CYP2F1: variants seen among roughly 807,000 people sequenced by gnomAD.
CYP2F1 encodes the protein cytochrome P450 family 2 subfamily F member 1.
In CYP2F1, 33 loss-of-function variants were observed where a neutral mutation model predicts 40.4. The ratio of observed to expected loss-of-function variants is 0.82; its 90% CI spans 0.62 to 1.09. The LOEUF is 1.09. CYP2F1 is among the 50% of genes least tolerant of loss of function. CYP2F1 has a pLI of 0.00. For missense variants in CYP2F1, 566 were observed against 655.7 expected, an observed-to-expected ratio of 0.86 and a Z score of 1.49; for synonymous variants, 235 against 277.2, an observed-to-expected ratio of 0.85 and a Z score of 1.51.
rs193160119 is a variant in CYP2F1, at chr19:41,122,418, G to T, written c.822+285G>T. 4.0e-4 allele frequency among the ~76,000 whole-genome samples: 61 copies of T among 152,204 alleles called. 1 individual carries two copies. The highest frequency in any genetic ancestry group is 1.3e-3 in the African/African-American group (53 of 41,532). On this transcript the variant is annotated intron_variant, in intron 6 of 9. Coordinates refer to ENST00000331105, the MANE Select transcript of CYP2F1 (RefSeq NM_000774.5). Reference sequence around the variant, plus strand: ...AGGCCGAGGCAGGAGGATCGCTTGAGTCCAGGAGTTCGAGACCAGCCTGGA... The same window carrying T: ...AGGCCGAGGCAGGAGGATCGCTTGATTCCAGGAGTTCGAGACCAGCCTGGA...
chr19:41,115,284 A>C (rs912270133), intron 1 of CYP2F1, among the ~76,000 whole-genome samples: 1 of 150,190 alleles, frequency 6.7e-6, no homozygotes, highest in Admixed American at 6.6e-5. Context: ...TTTTCTCTCC[A>C]TCCTTCCATG....
rs1168416292 is a variant in CYP2F1, at chr19:41,120,627, G to A, written c.484+131G>A. On this transcript the variant is annotated intron_variant, in intron 4 of 9. Transcript: ENST00000331105. ...CTCCCGAATAGCTGGTACTTCAGGT[G>A]TGCTCCACCACACCCAGCTTATTTT... 1.0e-5 allele frequency: 10 copies of A among 986,472 alleles called. No homozygotes were observed. In the African/African-American group the frequency reaches 1.6e-4, roughly 16 times the overall value. The allele number at this position is 986,472 out of a possible 1,614,324, so 61.1% of individuals were successfully genotyped here. A position where few individuals can be genotyped will look rare whatever the true frequency, so the allele number is the denominator to read the frequency against.
chr19:41,124,286 C>T (rs1599682381), intron 7 of CYP2F1, among the ~76,000 whole-genome samples: 1 of 79,124 alleles, frequency 1.3e-5, no homozygotes, highest in African/African-American at 4.9e-5. Context: ...TTTTTTGAGA[C>T]GGAATCTTGC....
chr19:41,116,031 C>A (rs1259346475), intron 1 of CYP2F1, 147 bp from the exon 2 acceptor site: 2 of 666,118 alleles, frequency 3.0e-6, no homozygotes, highest in Non-Finnish European at 5.0e-6. Flanking sequence ...CCTCCTTTCT[C>A]CCTCCCTTCC....
intron 3 of CYP2F1, 24 bp downstream of exon 3, chr19:41,116,641 C>G: frequency 6.2e-7 from 1 of 1,610,246 alleles, no homozygotes; most frequent in African/African-American, 1.3e-5. Flanking sequence ...TTGTCTCCTC[C>G]GCTCTCGGCC....
chr19:41,120,171 C>T (rs1243890544), intron 3 of CYP2F1, among the ~76,000 whole-genome samples, 176 bp from the exon 4 acceptor site: 2 of 151,942 alleles, frequency 1.3e-5, no homozygotes, highest in African/African-American at 2.4e-5. Flanking sequence ...AGCCCATGGT[C>T]CTATGGAAGC....
At chr19:41,119,938 C>T (rs956067954) in intron 3 of CYP2F1, among the ~76,000 whole-genome samples, 5 of 151,316 alleles carry the variant, frequency 3.3e-5, no homozygotes, top group East Asian at 1.9e-4. Flanking sequence ...GAGACTGTGT[C>T]GCAAAAAATA....
At chr19:41,119,723 C>CTCTCTCTCTCTCTCTATATATA (rs1478574507) in intron 3 of CYP2F1, among the ~76,000 whole-genome samples, 2 of 35,828 alleles carry the variant, frequency 5.6e-5, no homozygotes, top group Non-Finnish European at 1.0e-4. Context: ...CTCTCTCTCT[C>CTCTCTCTCTCTCTCTATATATA]TATATATATA....
chr19:41,127,834 A>T (rs2032603422), intron 9 of CYP2F1, 67 bp from the exon 10 acceptor site: 2 of 1,228,848 alleles, frequency 1.6e-6, no homozygotes, highest in East Asian at 4.9e-5. Flanking sequence ...TTCCTCTGGG[A>T]ATGTGGGGTT....
At chr19:41,126,064 C>T (rs1460756059) in intron 9 of CYP2F1, among the ~76,000 whole-genome samples, 4 of 151,624 alleles carry the variant, frequency 2.6e-5, no homozygotes, top group African/African-American at 4.8e-5. Context: ...ACCCAGGAGG[C>T]GGAGGTTGCA....
intron 1 of CYP2F1, among the ~76,000 whole-genome samples, chr19:41,115,443 C>T (rs920895050): frequency 6.6e-6 from 1 of 152,158 alleles, no homozygotes; most frequent in African/African-American, 2.4e-5. Context: ...CTCTCTGGCT[C>T]TCCCTATCTC....
rs1242360318 is a variant in CYP2F1 at position 41,121,637 on chromosome 19, G to A, written c.645+19G>A. The A allele has an allele frequency of 6.2e-7, 1 of 1,601,708 alleles. No homozygotes were observed. The highest frequency in any genetic ancestry group is 2.2e-5 in the East Asian group (1 of 44,616). ...GGGCGAGGTCAGCCAACTGAGTCCA[G>A]CAGGGGCAGGGTGTGGGGTCCGCAG... On this transcript the variant is annotated intron_variant, in intron 5 of 9. Transcript: ENST00000331105.
chr19:41,128,023 C>T lies in CYP2F1; in HGVS notation c.1417C>T (p.Leu473Phe), dbSNP rs200811964. 1.2e-6 allele frequency: 2 copies of T among 1,613,030 alleles called. No homozygotes were observed. The highest frequency in any genetic ancestry group is 1.7e-5 in the Admixed American group (1 of 60,026). The change falls in exon 10 of 10, where the codon CTC becomes TTC. Residue 473 changes from leucine (L) to phenylalanine (F), a missense_variant. By Grantham distance (22) the Leu-to-Phe change is conservative. Transcript: ENST00000331105. ...GCCCGAGGACATCGACCTGACCCCA[C>T]TCAGCTCAGGTCTTGGCAATTTGCC... ...GAPEDIDLTPLSSGLGNLPRP... is the reference protein window; with the variant it reads ...GAPEDIDLTPFSSGLGNLPRP...
At position 41,120,410 on chromosome 19, in the gene CYP2F1, G is replaced by A. The variant is rs747690814; in HGVS notation, c.398G>A (p.Arg133Gln). Residue 133 changes from arginine (R) to glutamine (Q), a missense_variant, in exon 4 of 10, where the codon CGG (arginine) becomes CAG (glutamine). Coordinates refer to ENST00000331105, the MANE Select transcript of CYP2F1 (RefSeq NM_000774.5). The stretch of plus-strand genomic sequence containing the variant: ...AGACAGTTCTCTATCCAGATTCTAC[G>A]GAATTTCGGGATGGGGAAGAGAAGC... ...VLRQFSIQIL[R>Q]NFGMGKRSIE... The A allele has an allele frequency of 7.4e-6, 12 of 1,613,958 alleles. No homozygotes were observed. The highest frequency in any genetic ancestry group is 6.7e-5 in the East Asian group (3 of 44,894).
rs541823902 is a variant in CYP2F1 at position 41,114,834 on chromosome 19, A to G, written c.-12+342A>G. On this transcript the variant is annotated intron_variant, in intron 1 of 9. Coordinates refer to ENST00000331105, the MANE Select transcript of CYP2F1 (RefSeq NM_000774.5). ...TTTGAGGCTGGAGTGCAGTGGTTCA[A>G]TCTCAGCTCACTGCAACCTCCACCT... Among the ~76,000 whole-genome samples, 3 of 127,778 alleles carry G rather than the reference A, an allele frequency of 2.3e-5. No homozygotes were observed. In the East Asian group the frequency reaches 6.8e-4, roughly 29 times the overall value. 83.8% of individuals were successfully genotyped at this position (127,778 alleles called of 152,430 possible).
Position 41,127,951 on chromosome 19 carries a change from T to C in CYP2F1, c.1345T>C (p.Tyr449His). 6.2e-7 allele frequency: 1 copy of C among 1,613,422 alleles called. No homozygotes were observed. Among genetic ancestry groups the C allele is most frequent in the Non-Finnish European group, 8.5e-7 (1 of 1,179,986 alleles). ...GCTGGCGCGCATGGAGCTCTTTCTG[T>C]ACCTCACCGCCATCCTGCAGAGCTT... ...ESLARMELFL[Y>H]LTAILQSFSL... is the part of the protein sequence containing the mutation. The change falls in exon 10 of 10, where the codon TAC (tyrosine) becomes CAC (histidine). Residue 449 changes from tyrosine to histidine, a missense_variant. Physicochemically the swap from Tyr to His is moderately conservative, Grantham distance 83. Transcript: ENST00000331105.
In CYP2F1 at chr19:41,120,494, A is replaced by C; in HGVS notation, c.482A>C (p.Glu161Ala). ...CTGCTGGCGGAGCTGCGGAAAACTG[A>C]AGGTCAGGAATTTTTTTTAACAGGC... ...SFLLAELRKT[E>A]GEPFDPTFVL... The change falls in exon 4 of 10, where the codon GAA becomes GCA. Residue 161 changes from glutamate to alanine, a missense_variant and splice_region_variant. By Grantham distance (107) the Glu-to-Ala change is moderately radical. Around this residue, in one of 5 missense-constraint regions of CYP2F1, gnomAD observed 264 missense variants for 275.7 expected, o/e 0.96. Transcript: ENST00000331105. 1 of 1,611,612 alleles carries C rather than the reference A, an allele frequency of 6.2e-7. No homozygotes were observed. The highest frequency in any genetic ancestry group is 2.2e-5 in the East Asian group (1 of 44,832).
At chr19:41,115,292 A>C (rs2031727510) in intron 1 of CYP2F1, among the ~76,000 whole-genome samples, 1 of 150,582 alleles carries the variant, frequency 6.6e-6, no homozygotes, top group African/African-American at 2.4e-5. Flanking sequence ...CCATCCTTCC[A>C]TGTCCCTCTC....
At chr19:41,118,966 C>T (rs2031980514) in intron 3 of CYP2F1, among the ~76,000 whole-genome samples, 1 of 152,080 alleles carries the variant, frequency 6.6e-6, no homozygotes, top group South Asian at 2.1e-4. Flanking sequence ...GGTCCCAGTC[C>T]AGTGGAAGAC....
Sources: gnomAD v4.1 joint callset for allele counts (sites outside exome capture counted in the v4.1 genomes callset) on GRCh38, gnomAD v4.1.1 for gene constraint, gnomAD v4.1.1 regional missense constraint, MANE v1.5 for transcripts, NCBI Gene and HGNC (gene_info 2026-07-23, HGNC 2026-07-21) for gene names.